TOMM70: variants seen among roughly 807,000 people sequenced by gnomAD.
TOMM70 encodes the protein mitochondrial import receptor subunit TOM70.
A neutral mutation model predicts 73.6 loss-of-function variants in TOMM70; 13 were observed. That is an observed-to-expected ratio of 0.18 (90% CI 0.11 to 0.28). TOMM70 has a LOEUF of 0.28. Ranked by LOEUF, TOMM70 falls within the 10% of genes least tolerant of loss-of-function variation. The pLI is 1.00. For synonymous variants in TOMM70, 257 were observed against 271.2 expected, an observed-to-expected ratio of 0.95 and a Z score of 0.51; for missense variants, 609 against 747.5, an observed-to-expected ratio of 0.81 and a Z score of 2.16.
At chr3:100,372,128 A>G (rs985599269) in intron 9 of TOMM70, 1 of 152,402 alleles carries the variant, frequency 6.6e-6, no homozygotes, top group Non-Finnish European at 1.5e-5. Flanking sequence ...ACTACAATAA[A>G]AAAATTCAGA....
intron 2 of TOMM70, 71 bp downstream of exon 2, chr3:100,386,734 T>C: frequency 6.6e-7 from 1 of 1,517,038 alleles, no homozygotes; most frequent in Non-Finnish European, 8.9e-7. Flanking sequence ...TTTATTTGAG[T>C]AGCTTTAACT....
At chr3:100,370,649 A>G (rs1369387937) in intron 9 of TOMM70, among the ~76,000 whole-genome samples, 2 of 152,204 alleles carry the variant, frequency 1.3e-5, no homozygotes, top group Non-Finnish European at 2.9e-5. Context: ...AAGTATATAT[A>G]TATACACATA....
rs751452634 is a variant in TOMM70, at chr3:100,400,768, C to A, written c.182G>T (p.Arg61Leu). 6.9e-6 allele frequency: 11 copies of A among 1,583,890 alleles called. No homozygotes were observed. The South Asian group carries it at 1.2e-4, about 18-fold the overall frequency. ...TCTGGCCTCCCGGCGCCGTTGCTGC[C>A]GACTCCACAGGTATATGGCACCCGC... ...LGAGAIYLWS[R>L]QQRRREARGR... Residue 61 changes from arginine to leucine, a missense_variant, in exon 1 of 12, where the codon CGG becomes CTG. Transcript: ENST00000284320.
Sources: allele counts gnomAD v4.1 joint callset (sites outside exome capture counted in the v4.1 genomes callset), GRCh38; gene constraint gnomAD v4.1.1; transcripts MANE v1.5; gene names NCBI Gene and HGNC (gene_info 2026-07-23, HGNC 2026-07-21).